The following DMD variants were observed in gnomAD, a reference collection of about 807,000 sequenced individuals.
The protein encoded by DMD is mutant dystrophin.
A neutral mutation model predicts 330.1 loss-of-function variants in DMD; 63 were observed. That is an observed-to-expected ratio of 0.19 (90% CI 0.16 to 0.24). The LOEUF is 0.24. Among genes scored for constraint, DMD ranks in the 10% least tolerant of loss-of-function variants. The probability of loss-of-function intolerance (pLI) is 1.00; values close to 1 mark genes in which losing one functional copy is unlikely to be tolerated. For synonymous variants in DMD, 1,223 were observed against 959.8 expected (o/e 1.27, Z -5.07); for missense variants, 3,344 against 2,684.1 (o/e 1.25, Z -5.43).
intron 54 of DMD, among the ~76,000 whole-genome samples, chrX:31,650,569 A>C (rs1189564135): frequency 1.8e-5 from 2 of 111,660 alleles, no homozygotes; most frequent in Non-Finnish European, 3.8e-5. Flanking sequence ...TAGTTCCAGA[A>C]AAGGAACTCT....
intron 16 of DMD, among the ~76,000 whole-genome samples, chrX:32,551,741 G>T (rs1277389157): frequency 1.8e-5 from 2 of 111,398 alleles, no homozygotes; most frequent in Non-Finnish European, 3.8e-5. Flanking sequence ...CATAGTCTCT[G>T]CCCAAAAGCT....
chrX:31,539,515 G>A (rs1360443091), intron 55 of DMD, among the ~76,000 whole-genome samples: 6 of 111,995 alleles, frequency 5.4e-5, no homozygotes, highest in Non-Finnish European at 7.5e-5. Flanking sequence ...GATATGCCAT[G>A]TGAGAACACA....
At chrX:32,382,346 T>G (rs777524853) in intron 33 of DMD, among the ~76,000 whole-genome samples, 68 of 72,793 alleles carry the variant, frequency 9.3e-4, no homozygotes, top group African/African-American at 3.9e-3. Flanking sequence ...ATACATATAT[T>G]TATGTCATAT....
At chrX:33,058,471 A>ATTT (rs1163854705) in intron 1 of DMD, among the ~76,000 whole-genome samples, 130 of 51,039 alleles carry the variant, frequency 2.5e-3, no homozygotes, top group African/African-American at 0.014. Flanking sequence ...TTATTATTTT[A>ATTT]TTTTTTTTTT....
intron 52 of DMD, among the ~76,000 whole-genome samples, chrX:31,729,123 C>T (rs762402487): frequency 8.9e-6 from 1 of 111,868 alleles, no homozygotes; most frequent in South Asian, 3.8e-4. Flanking sequence ...AAGTTCCTGC[C>T]CACCCTACTA....
At chrX:33,041,564 T>C in intron 1 of DMD, 1 of 1,208,888 alleles carries the variant, frequency 8.3e-7, no homozygotes, top group Non-Finnish European at 1.1e-6. Context: ...GCAGAGATCC[T>C]ACAAGAATCC....
At chrX:32,231,022 T>C (rs1415071102) in intron 43 of DMD, among the ~76,000 whole-genome samples, 1 of 112,368 alleles carries the variant, frequency 8.9e-6, no homozygotes, top group Non-Finnish European at 1.9e-5. Flanking sequence ...ATGAAAGTTG[T>C]ATATCTTCAG....
chrX:32,199,827 T>TGTGTGTGTGTGTGTGTG (rs2097025553), intron 44 of DMD, among the ~76,000 whole-genome samples: 1 of 98,844 alleles, frequency 1.0e-5, no homozygotes, highest in Non-Finnish European at 2.1e-5. Flanking sequence ...TGTGTGTGTG[T>TGTGTGTGTGTGTGTGTG]ATTTTTAGTA....
intron 9 of DMD, among the ~76,000 whole-genome samples, chrX:32,656,820 A>G (rs1278359347): frequency 8.9e-6 from 1 of 111,954 alleles, no homozygotes. Context: ...TTCTTATTTA[A>G]GGTCATTTGT....
chrX:31,387,907 T>A (rs940671069), intron 60 of DMD, among the ~76,000 whole-genome samples: 2 of 111,381 alleles, frequency 1.8e-5, no homozygotes, highest in Admixed American at 1.9e-4. Flanking sequence ...CTCTCTAGCG[T>A]CTTCCTTGCT....
chrX:31,987,078 G>A (rs1250178796), intron 44 of DMD, among the ~76,000 whole-genome samples: 1 of 112,087 alleles, frequency 8.9e-6, no homozygotes, highest in Non-Finnish European at 1.9e-5. Flanking sequence ...CCATCTAGCT[G>A]TAGGTCATAA....
At chrX:31,918,173 A>G (rs1223716989) in intron 47 of DMD, among the ~76,000 whole-genome samples, 1 of 112,656 alleles carries the variant, frequency 8.9e-6, no homozygotes, top group East Asian at 2.8e-4. Context: ...TGTAATAGTA[A>G]CCACAATTTA....
intron 47 of DMD, among the ~76,000 whole-genome samples, chrX:31,908,643 C>T (rs1264914335): frequency 1.0e-5 from 1 of 98,243 alleles, no homozygotes; most frequent in African/African-American, 4.5e-5. Context: ...GTGCAGCACA[C>T]CAGCATGGCC....
At chrX:31,291,917 G>A (rs2053728499) in intron 62 of DMD, among the ~76,000 whole-genome samples, 1 of 111,018 alleles carries the variant, frequency 9.0e-6, no homozygotes, top group Non-Finnish European at 1.9e-5. Context: ...TCCATATTAT[G>A]AAAAATAAAA....
intron 7 of DMD, among the ~76,000 whole-genome samples, chrX:32,741,513 C>T (rs138682468): frequency 1.7e-4 from 19 of 111,513 alleles, no homozygotes; most frequent in African/African-American, 5.5e-4. Context: ...GTCCATAAGA[C>T]GATCAACAAC....
intron 2 of DMD, among the ~76,000 whole-genome samples, chrX:32,892,980 T>C (rs2085355434): frequency 1.8e-5 from 2 of 111,884 alleles, no homozygotes; most frequent in African/African-American, 6.5e-5. Context: ...GGGAAGTTTA[T>C]GTTAGAGTAA....
Position 32,254,104 on chromosome X carries a change from T to A in DMD, c.6290+33425A>T, listed in dbSNP as rs7887652. ...TTGCCCAGGCTGGAGGGCAGTGGCATGATCTTAGCTCACTGCAACCTCCGC... is the reference window on the plus strand; with the variant it reads ...TTGCCCAGGCTGGAGGGCAGTGGCAAGATCTTAGCTCACTGCAACCTCCGC... On this transcript the variant is annotated intron_variant, in intron 43 of 78. Transcript: ENST00000357033. Among the ~76,000 whole-genome samples, 782 of 111,753 alleles carry A rather than the reference T, an allele frequency of 7.0e-3. 6 individuals carry two copies. Among genetic ancestry groups the A allele is most frequent in the African/African-American group, 0.024 (748 of 30,752 alleles).
At chrX:33,195,002 T>C (rs1569558103) in intron 1 of DMD, among the ~76,000 whole-genome samples, 1 of 111,726 alleles carries the variant, frequency 9.0e-6, no homozygotes, top group Non-Finnish European at 1.9e-5. Flanking sequence ...ATTCCATGTA[T>C]TTGAGTCATG....
intron 30 of DMD, among the ~76,000 whole-genome samples, chrX:32,404,182 C>T (rs182476440): frequency 2.3e-4 from 26 of 111,928 alleles, no homozygotes; most frequent in African/African-American, 8.1e-4. Flanking sequence ...ACGAATTCTT[C>T]TTAAAGTGCA....
Sources: allele counts gnomAD v4.1 joint callset (sites outside exome capture counted in the v4.1 genomes callset), GRCh38; gene constraint gnomAD v4.1.1; transcripts MANE v1.5; gene names NCBI Gene and HGNC (gene_info 2026-07-23, HGNC 2026-07-21).